Variants in MYRFL observed in about 807,000 individuals in gnomAD.
The protein encoded by MYRFL is myelin regulatory factor like, also known as myelin regulatory factor-like protein.
A neutral mutation model predicts 109.4 loss-of-function variants in MYRFL; 88 were observed. That is an observed-to-expected ratio of 0.80 (90% confidence interval 0.68 to 0.96). MYRFL has a LOEUF of 0.96. MYRFL is among the 40% of genes least tolerant of loss of function. The pLI is 0.00. For missense variants in MYRFL, 957 were observed against 954.9 expected (o/e 1.00, Z -0.03); for synonymous variants, 324 against 320.9 (o/e 1.01, Z -0.10).
intron 1 of MYRFL, among the ~76,000 whole-genome samples, chr12:69,835,863 G>A (rs1882906773): frequency 6.6e-6 from 1 of 152,164 alleles, no homozygotes; most frequent in Non-Finnish European, 1.5e-5. Context: ...GTCTAGAGGT[G>A]AATGCTTACA....
intron 1 of MYRFL, among the ~76,000 whole-genome samples, chr12:69,827,006 C>T (rs1278786492): frequency 6.6e-6 from 1 of 152,028 alleles, no homozygotes; most frequent in Non-Finnish European, 1.5e-5. Context: ...AGCTGATATT[C>T]TTGATCTGCA....
intron 13 of MYRFL, among the ~76,000 whole-genome samples, chr12:69,920,060 A>G (rs1954860239): frequency 6.6e-6 from 1 of 152,180 alleles, no homozygotes; most frequent in Admixed American, 6.5e-5. Flanking sequence ...CAATGGACCC[A>G]GGAGCTTCCA....
intron 21 of MYRFL, among the ~76,000 whole-genome samples, chr12:69,954,367 T>C (rs1956051880): frequency 2.0e-5 from 3 of 152,256 alleles, no homozygotes; most frequent in Admixed American, 2.0e-4. Flanking sequence ...AAACTGCTCC[T>C]GATCCCAATG....
chr12:69,910,774 A>C, intron 12 of MYRFL, 47 bp from the exon 13 acceptor site: 3 of 1,366,654 alleles, frequency 2.2e-6, no homozygotes, highest in Non-Finnish European at 3.0e-6. Context: ...TTTTCTCCAG[A>C]AAGATCTTTC....
chr12:69,843,513 G>C (rs568576745), intron 1 of MYRFL, among the ~76,000 whole-genome samples: 1 of 152,308 alleles, frequency 6.6e-6, no homozygotes, highest in Non-Finnish European at 1.5e-5. Flanking sequence ...CTTTATATAG[G>C]ACTGGCAGGT....
At chr12:69,844,505 G>A (rs544989309) in intron 1 of MYRFL, among the ~76,000 whole-genome samples, 30 of 152,248 alleles carry the variant, frequency 2.0e-4, no homozygotes, top group African/African-American at 6.5e-4. Flanking sequence ...GTTAGCAGTC[G>A]GCTTGCCCTA....
intron 19 of MYRFL, among the ~76,000 whole-genome samples, chr12:69,942,089 C>T (rs1382253351): frequency 7.2e-6 from 1 of 138,968 alleles, no homozygotes; most frequent in Non-Finnish European, 1.6e-5. Flanking sequence ...GATTCACAGC[C>T]GAATTCTACC....
In MYRFL at chr12:69,893,700, A is replaced by G. The variant is rs17107232; in HGVS notation, c.904-64A>G. On this transcript the variant is annotated intron_variant, in intron 7 of 24. Coordinates refer to ENST00000552032, the MANE Select transcript of MYRFL (RefSeq NM_182530.3). ...TGAAAAGCTTTTTAAGTACTTGAAC[A>G]TTCTTTGCTGATTAACATTTTAATT... 1.5e-3 allele frequency: 1,565 copies of G among 1,077,014 alleles called. 16 individuals carry two copies. In the African/African-American group the frequency reaches 0.023, roughly 16 times the overall value. The allele number at this position is 1,077,014 out of a possible 1,614,324, so 66.7% of individuals were successfully genotyped here. A position where few individuals can be genotyped will look rare whatever the true frequency, so the allele number is the denominator to read the frequency against.
chr12:69,918,362 AAAG>A (rs1468502469), intron 13 of MYRFL, among the ~76,000 whole-genome samples: 1 of 152,230 alleles, frequency 6.6e-6, no homozygotes, highest in Non-Finnish European at 1.5e-5. Flanking sequence ...TAGAGGAAGA[AAAG>A]AATGTGTGAG....
chr12:69,886,782 C>A lies in MYRFL; in HGVS notation c.557-38C>A. 4 of 1,533,052 alleles carry A rather than the reference C, an allele frequency of 2.6e-6. No individual in the cohort carries two copies. In the Middle Eastern group the frequency reaches 5.6e-4, roughly 213 times the overall value. The allele number at this position is 1,533,052 out of a possible 1,614,324, so 95.0% of individuals were successfully genotyped here. ...CTAGCTGTGAGTTTAGGAAAAACAG[C>A]CTGGAAGGAAGGCTCTGACGCACCT... On this transcript the variant is annotated intron_variant, in intron 5 of 24. Transcript: ENST00000552032.
chr12:69,957,980 G>C (rs1204993825), intron 23 of MYRFL, 38 bp downstream of exon 23: 19 of 1,511,092 alleles, frequency 1.3e-5, no homozygotes, highest in Admixed American at 2.0e-5. Context: ...CGCTGAGAGA[G>C]GGATACATTG....
chr12:69,913,592 A>C (rs973521481), intron 13 of MYRFL, among the ~76,000 whole-genome samples: 1 of 152,214 alleles, frequency 6.6e-6, no homozygotes, highest in African/African-American at 2.4e-5. Flanking sequence ...CCTTGTCTAA[A>C]ATCATTTAAC....
chr12:69,925,788 A>G (rs1234854798), intron 13 of MYRFL, among the ~76,000 whole-genome samples: 1 of 151,372 alleles, frequency 6.6e-6, no homozygotes, highest in Non-Finnish European at 1.5e-5. Context: ...CTTTAAAAAA[A>G]TTGCTTTTTT....
At chr12:69,868,691 A>G (rs1435458996) in intron 2 of MYRFL, among the ~76,000 whole-genome samples, 2 of 152,134 alleles carry the variant, frequency 1.3e-5, no homozygotes, top group Non-Finnish European at 2.9e-5. Context: ...GGGCAACCAT[A>G]CTCATTGACA....
At chr12:69,833,909 G>A (rs1440309802) in intron 1 of MYRFL, among the ~76,000 whole-genome samples, 1 of 142,584 alleles carries the variant, frequency 7.0e-6, no homozygotes, top group African/African-American at 2.6e-5. Context: ...ACTGCCATCT[G>A]CCATTATTCC....
intron 14 of MYRFL, among the ~76,000 whole-genome samples, chr12:69,927,254 T>C (rs1955126937): frequency 6.6e-6 from 1 of 152,054 alleles, no homozygotes; most frequent in African/African-American, 2.4e-5. Context: ...CCTGTTGCTG[T>C]TTTAAAAGTG....
intron 1 of MYRFL, among the ~76,000 whole-genome samples, chr12:69,834,365 G>C (rs1052210823): frequency 7.9e-5 from 12 of 152,196 alleles, no homozygotes; most frequent in Non-Finnish European, 1.3e-4. Flanking sequence ...CAACTATTAA[G>C]AGCTGAGAAA....
intron 8 of MYRFL, among the ~76,000 whole-genome samples, chr12:69,894,416 G>T (rs1291966667): frequency 1.3e-5 from 2 of 152,150 alleles, no homozygotes; most frequent in Non-Finnish European, 2.9e-5. Flanking sequence ...TAAAGCCACT[G>T]TTATTTTCAT....
At chr12:69,942,752 G>T (rs1955701471) in intron 19 of MYRFL, among the ~76,000 whole-genome samples, 1 of 151,828 alleles carries the variant, frequency 6.6e-6, no homozygotes, top group South Asian at 2.1e-4. Context: ...AATTGTCCCT[G>T]TTTGCAGATG....
Sources: gnomAD v4.1 joint callset for allele counts (sites outside exome capture counted in the v4.1 genomes callset) on GRCh38, gnomAD v4.1.1 for gene constraint, MANE v1.5 for transcripts, NCBI Gene and HGNC (gene_info 2026-07-23, HGNC 2026-07-21) for gene names.